Variants in EPAS1 observed in about 807,000 individuals in gnomAD.
EPAS1 encodes endothelial PAS domain-containing protein 1.
Under a neutral mutation model 87.9 loss-of-function variants are expected in EPAS1, and 23 were observed. The observed-to-expected ratio is 0.26, with a 90% CI of 0.19 to 0.37. The LOEUF is 0.37. Ranked by LOEUF, EPAS1 falls within the 10% of genes least tolerant of loss-of-function variation. EPAS1 has a pLI of 1.00. For synonymous variants in EPAS1, 508 were observed against 444.3 expected, an observed-to-expected ratio of 1.14 and a Z score of -1.80; for missense variants, 1,138 against 1,120.7, an observed-to-expected ratio of 1.02 and a Z score of -0.22.
At position 46,380,176 on chromosome 2, in the gene EPAS1, G is replaced by A; in HGVS notation, c.1555-51G>A. ...CAGGAGCTGAGTTGGAATAGTGTTT[G>A]TGAGGTCGTACCAACCCCCTTGCCT... On this transcript the variant is annotated intron_variant, in intron 11 of 15. Coordinates refer to ENST00000263734, the MANE Select transcript of EPAS1 (RefSeq NM_001430.5). This position sits in a 1 kb window ranked among gnomAD's most constrained non-coding sequence, Gnocchi z 4.4. 6.2e-7 allele frequency: 1 copy of A among 1,600,684 alleles called. No individual in the cohort carries two copies. Among genetic ancestry groups the A allele is most frequent in the Non-Finnish European group, 8.5e-7 (1 of 1,179,864 alleles).
chr2:46,354,414 T>C (rs991948330), intron 2 of EPAS1, among the ~76,000 whole-genome samples: 2 of 152,052 alleles, frequency 1.3e-5, no homozygotes, highest in African/African-American at 4.8e-5. Context: ...GTAAATGTCT[T>C]TGGAGTTAAA....
intron 3 of EPAS1, among the ~76,000 whole-genome samples, chr2:46,356,520 C>G (rs1684275148): frequency 6.6e-6 from 1 of 152,160 alleles, no homozygotes; most frequent in African/African-American, 2.4e-5. Flanking sequence ...TCTCTACTGA[C>G]TCATTAACAG....
intron 1 of EPAS1, among the ~76,000 whole-genome samples, chr2:46,328,024 GA>G (rs1313249389): frequency 2.0e-5 from 3 of 152,338 alleles, no homozygotes; most frequent in African/African-American, 7.2e-5. Flanking sequence ...TAGGTTTTGA[GA>G]AAACTTGGCA....
Position 46,358,733 on chromosome 2 carries a change from A to G in EPAS1, c.455-1905A>G, listed in dbSNP as rs546465903. ...ATCTGCATATTGAGGACTTGGGATC[A>G]GTCAAACTCAATGCAACAGCAAATC... On this transcript the variant is annotated intron_variant, in intron 4 of 15. Transcript: ENST00000263734. 3.9e-5 allele frequency among the ~76,000 whole-genome samples: 6 copies of G among 152,346 alleles called. No homozygotes were observed. The East Asian group carries it at 7.7e-4, about 20-fold the overall frequency.
intron 1 of EPAS1, among the ~76,000 whole-genome samples, chr2:46,307,983 G>C (rs1346586909): frequency 1.3e-5 from 2 of 152,142 alleles, no homozygotes; most frequent in South Asian, 2.1e-4. Context: ...TTCTTCCCAA[G>C]GGCAGCCACC....
At chr2:46,310,718 T>G (rs1043317537) in intron 1 of EPAS1, among the ~76,000 whole-genome samples, 3 of 152,180 alleles carry the variant, frequency 2.0e-5, no homozygotes, top group Non-Finnish European at 4.4e-5. Context: ...TGGCCAGAGA[T>G]CCCAAGTCAC....
chr2:46,325,421 G>C (rs1683535940), intron 1 of EPAS1, among the ~76,000 whole-genome samples: 1 of 152,210 alleles, frequency 6.6e-6, no homozygotes. Flanking sequence ...GCACCAAAGG[G>C]TGTCCTTCAT....
At chr2:46,328,939 A>AT (rs1298537651) in intron 1 of EPAS1, among the ~76,000 whole-genome samples, 3 of 152,074 alleles carry the variant, frequency 2.0e-5, no homozygotes, top group Admixed American at 2.0e-4. Context: ...AAAAAAAATT[A>AT]TTTTTTTCCA....
In EPAS1 at chr2:46,385,606, A is replaced by T. The variant is rs1427034571; in HGVS notation, c.*946A>T. 6.6e-6 allele frequency: 1 copy of T among 152,210 alleles called. No individual in the cohort carries two copies. Among genetic ancestry groups the T allele is most frequent in the East Asian group, 1.9e-4 (1 of 5,192 alleles). The allele number at this position is 152,210 out of a possible 1,614,324, so 9.4% of individuals were successfully genotyped here. A position where few individuals can be genotyped will look rare whatever the true frequency, so the allele number is the denominator to read the frequency against. On this transcript the variant is annotated 3_prime_UTR_variant, in exon 16 of 16. Coordinates refer to ENST00000263734, the MANE Select transcript of EPAS1 (RefSeq NM_001430.5). ...CTGTCGGCTTTTTGCCATCTGTGAT[A>T]TGCCATAGGTGTGACAATCCGAGCA... is the stretch of plus-strand genomic sequence containing the variant.
At chr2:46,384,298 C>G (rs1198509097) in intron 15 of EPAS1, among the ~76,000 whole-genome samples, 1 of 152,188 alleles carries the variant, frequency 6.6e-6, no homozygotes, top group Non-Finnish European at 1.5e-5. Context: ...TCACGCTTTC[C>G]TCTTTCTTGG....
At chr2:46,366,679 T>C (rs1684507888) in intron 6 of EPAS1, among the ~76,000 whole-genome samples, 1 of 152,212 alleles carries the variant, frequency 6.6e-6, no homozygotes, top group African/African-American at 2.4e-5. Context: ...TCAAACTGAT[T>C]TTCTTTTTCC....
intron 1 of EPAS1, among the ~76,000 whole-genome samples, chr2:46,337,099 T>C (rs112451795): frequency 6.6e-6 from 1 of 152,374 alleles, no homozygotes; most frequent in East Asian, 1.9e-4. Flanking sequence ...ACTGAAGTCA[T>C]TGACGTGGTT....
intron 1 of EPAS1, among the ~76,000 whole-genome samples, chr2:46,317,714 G>C (rs1433211297): frequency 1.3e-5 from 2 of 152,158 alleles, no homozygotes; most frequent in African/African-American, 2.4e-5. Flanking sequence ...TGTTCATCCA[G>C]CATAAGGCTC....
intron 1 of EPAS1, among the ~76,000 whole-genome samples, chr2:46,324,320 G>T (rs1683511375): frequency 6.6e-6 from 1 of 152,116 alleles, no homozygotes; most frequent in Admixed American, 6.5e-5. Flanking sequence ...GCCCACCTCG[G>T]CCTCCCAAGG....
At chr2:46,320,714 T>C (rs1420734070) in intron 1 of EPAS1, among the ~76,000 whole-genome samples, 1 of 152,200 alleles carries the variant, frequency 6.6e-6, no homozygotes, top group African/African-American at 2.4e-5. Flanking sequence ...CATTATCATC[T>C]TAGATTTTAA....
At chr2:46,307,459 G>A (rs1683127236) in intron 1 of EPAS1, among the ~76,000 whole-genome samples, 1 of 152,188 alleles carries the variant, frequency 6.6e-6, no homozygotes, top group African/African-American at 2.4e-5. Context: ...TGCAGCGGGA[G>A]TCTGTCTTTT....
At chr2:46,350,941 A>G (rs1236440595) in intron 2 of EPAS1, among the ~76,000 whole-genome samples, 1 of 152,232 alleles carries the variant, frequency 6.6e-6, no homozygotes, top group Non-Finnish European at 1.5e-5. Context: ...ATGTGAGACA[A>G]GTGATTTTAA....
At position 46,378,749 on chromosome 2, in the gene EPAS1, G is replaced by A; in HGVS notation, c.1536G>A (p.Lys512=). The A allele has an allele frequency of 1.2e-6, 2 of 1,614,154 alleles. No homozygotes were observed. Among genetic ancestry groups the A allele is most frequent in the Non-Finnish European group, 1.7e-6 (2 of 1,179,970 alleles). ...EKLFAMDTEA[K]DQCSTQTDFN... is the part of the protein sequence containing the mutation. The stretch of plus-strand genomic sequence containing the variant: ...TCTTCGCCATGGACACAGAGGCCAA[G>A]GACCAATGCAGTACCCAGGTAGATG... Residue 512 remains lysine (K), a synonymous_variant, in exon 11 of 16, where the codon AAG becomes AAA. Transcript: ENST00000263734.
rs370989223 is a variant in EPAS1, at chr2:46,347,080, C to T, written c.217+17C>T. The stretch of plus-strand genomic sequence containing the variant: ...TCTCCTCAGGTAAGGCCAGCAGGCT[C>T]CCCTAGGCTGGGCAGATGCCAGCCT... On this transcript the variant is annotated intron_variant, in intron 2 of 15. Transcript: ENST00000263734. This position sits in a 1 kb window ranked among gnomAD's most constrained non-coding sequence, Gnocchi z 4.2. 133 of 1,614,076 alleles carry T rather than the reference C, an allele frequency of 8.2e-5. 1 individual carries two copies. The Admixed American group carries it at 1.4e-3, about 17-fold the overall frequency.
Sources: allele counts gnomAD v4.1 joint callset (sites outside exome capture counted in the v4.1 genomes callset), GRCh38; gene constraint gnomAD v4.1.1; non-coding constraint Gnocchi (gnomAD v3.1); transcripts MANE v1.5; gene names NCBI Gene and HGNC (gene_info 2026-07-23, HGNC 2026-07-21).